The following NME9 variants were observed in gnomAD, a reference collection of about 807,000 sequenced individuals.
NME9 encodes NME/NM23 family member 9, also known as thioredoxin domain-containing protein 6.
In NME9, 48 loss-of-function variants were observed where a neutral mutation model predicts 44.4. That is an observed-to-expected ratio of 1.08 (90% confidence interval 0.86 to 1.37). The LOEUF (loss-of-function observed/expected upper bound fraction) is 1.37, where lower values mean the gene tolerates loss of function less well. Ranked by LOEUF, NME9 falls within the 40% of genes most tolerant of loss-of-function variation. NME9 has a pLI of 0.00. For missense variants in NME9, 325 were observed against 405.2 expected (o/e 0.80, Z 1.70); for synonymous variants, 139 against 147.1 (o/e 0.94, Z 0.40).
intron 10 of NME9, among the ~76,000 whole-genome samples, chr3:138,302,796 C>T (rs922657425): frequency 3.9e-5 from 6 of 152,234 alleles, no homozygotes; most frequent in African/African-American, 1.4e-4. Flanking sequence ...GAATCCAACC[C>T]TCACATCCTT....
intron 2 of NME9, among the ~76,000 whole-genome samples, chr3:138,322,519 T>C (rs2053536595): frequency 1.4e-5 from 2 of 145,434 alleles, no homozygotes; most frequent in African/African-American, 5.5e-5. Context: ...TGTGTGTGTG[T>C]GTCTGTGCAT....
chr3:138,290,819 C>CA (rs2050866405), intron 8 of NME9, among the ~76,000 whole-genome samples: 1 of 152,118 alleles, frequency 6.6e-6, no homozygotes, highest in African/African-American at 2.4e-5. Context: ...TAATAATTAC[C>CA]AAATTATTAA....
chr3:138,300,609 A>C (rs1030581306), downstream of NME9, among the ~76,000 whole-genome samples: 8 of 152,240 alleles, frequency 5.3e-5, no homozygotes, highest in Non-Finnish European at 8.8e-5. Flanking sequence ...CCTCCAGGGA[A>C]GAACTGCAGA....
At chr3:138,314,549 TACA>T in intron 5 of NME9, 142 bp from the exon 6 acceptor site, 2 of 570,168 alleles carry the variant, frequency 3.5e-6, no homozygotes, top group Non-Finnish European at 6.2e-6. Context: ...TTGGAAACTT[TACA>T]GGACCCTTTT....
At chr3:138,288,078 T>TG (rs1416122225) in intron 8 of NME9, 1 of 159,820 alleles carries the variant, frequency 6.3e-6, no homozygotes, top group Admixed American at 6.1e-5. Flanking sequence ...ATCAAGTTTT[T>TG]GGGGATATTC....
intron 8 of NME9, among the ~76,000 whole-genome samples, chr3:138,286,666 T>C (rs1250974043): frequency 6.6e-6 from 1 of 152,192 alleles, no homozygotes; most frequent in Non-Finnish European, 1.5e-5. Context: ...AGATCTAGGG[T>C]TATAGCCTGG....
In NME9 at chr3:138,323,490, C is replaced by T. The variant is rs778678912; in HGVS notation, c.91+1383G>A. On this transcript the variant is annotated intron_variant, in intron 2 of 10. Coordinates refer to ENST00000333911, the MANE Select transcript of NME9 (RefSeq NM_001349018.2). Reference sequence around the variant, plus strand: ...TGATGGTCTTTCCCTACAGGGGCCGCAGCAAGTGGGGTGTGTGCTGGAGGG... The same window carrying T: ...TGATGGTCTTTCCCTACAGGGGCCGTAGCAAGTGGGGTGTGTGCTGGAGGG... Among the ~76,000 whole-genome samples, 10 of 152,184 alleles carry T rather than the reference C, an allele frequency of 6.6e-5. No homozygotes were observed. In the South Asian group the frequency reaches 1.7e-3, roughly 25 times the overall value.
intron 1 of NME9, chr3:138,327,244 C>T (rs1255927264): frequency 2.0e-5 from 3 of 151,658 alleles, no homozygotes; most frequent in African/African-American, 4.8e-5. Context: ...AAAAAGAAAC[C>T]CAGAAAAGTC....
intron 8 of NME9, among the ~76,000 whole-genome samples, chr3:138,288,798 C>G (rs530940847): frequency 2.0e-5 from 3 of 152,010 alleles, no homozygotes; most frequent in Non-Finnish European, 4.4e-5. Context: ...CCACTACACC[C>G]GGCAAATTTT....
intron 8 of NME9, among the ~76,000 whole-genome samples, chr3:138,282,050 C>A (rs1050884025): frequency 2.0e-5 from 3 of 152,120 alleles, no homozygotes; most frequent in Non-Finnish European, 4.4e-5. Flanking sequence ...CCATGTGCTG[C>A]CCCCGCTCCT....
At chr3:138,283,125 G>A (rs1221163805) in intron 8 of NME9, among the ~76,000 whole-genome samples, 1 of 152,162 alleles carries the variant, frequency 6.6e-6, no homozygotes, top group African/African-American at 2.4e-5. Context: ...CATGTCTACT[G>A]TGTCTCAGAG....
downstream of NME9, among the ~76,000 whole-genome samples, chr3:138,300,806 C>T (rs1023397208): frequency 6.6e-6 from 1 of 152,186 alleles, no homozygotes; most frequent in African/African-American, 2.4e-5. Flanking sequence ...TGAACATGCC[C>T]TGGTAATGGA....
Position 138,301,238 on chromosome 3 carries a change from T to C in NME9, c.*402A>G. Reference sequence around the variant, plus strand: ...TATTATTATTAAGATGGAGTCTCACTCTGTCACCCAGGCTGGAGTGCAGTG... The same window carrying C: ...TATTATTATTAAGATGGAGTCTCACCCTGTCACCCAGGCTGGAGTGCAGTG... On this transcript the variant is annotated 3_prime_UTR_variant, in exon 11 of 11. Transcript: ENST00000333911. 2 of 581,230 alleles carry C rather than the reference T, an allele frequency of 3.4e-6. No individual in the cohort carries two copies. Among genetic ancestry groups the C allele is most frequent in the Non-Finnish European group, 4.4e-6 (2 of 458,194 alleles). 36.0% of individuals were successfully genotyped at this position (581,230 alleles called of 1,614,324 possible).
chr3:138,269,991 C>A (rs1576896467), intron 8 of NME9: 4 of 1,346,440 alleles, frequency 3.0e-6, no homozygotes, highest in Middle Eastern at 2.2e-4. Flanking sequence ...GTTTAGTTTG[C>A]AAACTGGACT....
intron 4 of NME9, among the ~76,000 whole-genome samples, chr3:138,316,047 T>C (rs2108450527): frequency 6.6e-6 from 1 of 152,292 alleles, no homozygotes; most frequent in African/African-American, 2.4e-5. Flanking sequence ...TTAGGCAGGA[T>C]GGTCTCGATC....
intron 8 of NME9, among the ~76,000 whole-genome samples, chr3:138,277,944 G>A (rs1290283253): frequency 6.6e-6 from 1 of 152,184 alleles, no homozygotes; most frequent in Non-Finnish European, 1.5e-5. Flanking sequence ...GTTGCTGTAT[G>A]TAACAACATG....
At chr3:138,267,283 C>A in intron 8 of NME9, 5 of 1,201,936 alleles carry the variant, frequency 4.2e-6, no homozygotes, top group Non-Finnish European at 4.7e-6. Flanking sequence ...CCCAGTCCAG[C>A]TAGAGCTTAC....
chr3:138,278,579 C>A (rs1476820043), intron 8 of NME9, among the ~76,000 whole-genome samples: 2 of 151,810 alleles, frequency 1.3e-5, no homozygotes, highest in African/African-American at 4.8e-5. Flanking sequence ...TTTCATAATT[C>A]TGTTCTCATT....
At chr3:138,269,908 C>T (rs1037401839) in intron 8 of NME9, 2 of 350,114 alleles carry the variant, frequency 5.7e-6, no homozygotes, top group African/African-American at 2.2e-5. Context: ...CTACATCACT[C>T]CCTGCTTTGC....
Sources: allele counts gnomAD v4.1 joint callset (sites outside exome capture counted in the v4.1 genomes callset), GRCh38; gene constraint gnomAD v4.1.1; transcripts MANE v1.5; gene names NCBI Gene and HGNC (gene_info 2026-07-23, HGNC 2026-07-21).